Variants in DUXB observed in about 807,000 individuals in gnomAD.
The protein encoded by DUXB is double homeobox B.
DUXB carries 22 observed loss-of-function variants against 8.9 expected under a neutral mutation model. That is an observed-to-expected ratio of 2.46 (90% confidence interval 1.76 to 3.52). DUXB has a LOEUF of 3.52. Ranked by LOEUF, DUXB falls within the 30% of genes most tolerant of loss-of-function variation. The pLI, the probability that DUXB is intolerant of heterozygous loss-of-function variation, is 0.00. For missense variants in DUXB, 237 were observed against 108.7 expected, an observed-to-expected ratio of 2.18 and a Z score of -5.25; for synonymous variants, 84 against 37.6, an observed-to-expected ratio of 2.23 and a Z score of -4.52.
Position 75,694,612 on chromosome 16 carries a change from T to C in DUXB, c.442-87A>G, listed in dbSNP as rs1182130971. On this transcript the variant is annotated intron_variant, in intron 4 of 4. Transcript: ENST00000633875. ...ATACTCTATAAAACAAAGGAGCTATTAACCTAAGGACAAATCACAGGGTGA... is the reference window on the plus strand; with the variant it reads ...ATACTCTATAAAACAAAGGAGCTATCAACCTAAGGACAAATCACAGGGTGA... 3 of 687,858 alleles carry C rather than the reference T, an allele frequency of 4.4e-6. No homozygotes were observed. In the East Asian group the frequency reaches 8.1e-5, roughly 19 times the overall value. The allele number at this position is 687,858 out of a possible 1,614,324, so 42.6% of individuals were successfully genotyped here.
At chr16:75,696,339 G>C (rs554083134) in intron 3 of DUXB, among the ~76,000 whole-genome samples, 21 of 152,308 alleles carry the variant, frequency 1.4e-4, no homozygotes, top group African/African-American at 4.8e-4. Flanking sequence ...ATCACTTGAG[G>C]TTGGGAGTTC....
Position 75,694,132 on chromosome 16 carries a change from A to T in DUXB, c.835T>A (p.Tyr279Asn). ...TTGTGATTTTGGTGTTCTTCTTGGT[A>T]TTGGAGCCAGAAGGGAGTCGGAGTA... ...LDTPTPFWLQ[Y>N]QEEHQNHKEH... The change falls in exon 5 of 5, where the codon TAC (tyrosine) becomes AAC (asparagine). Residue 279 changes from tyrosine (Y) to asparagine (N), a missense_variant. Physicochemically the swap from Tyr to Asn is moderately radical, Grantham distance 143. Coordinates refer to ENST00000633875, the MANE Select transcript of DUXB (RefSeq NM_001351307.2). 2 of 429,950 alleles carry T rather than the reference A, an allele frequency of 4.7e-6. No individual in the cohort carries two copies. Among genetic ancestry groups the T allele is most frequent in the Non-Finnish European group, 8.1e-6 (2 of 246,556 alleles). 26.6% of individuals were successfully genotyped at this position (429,950 alleles called of 1,614,324 possible).
intron 3 of DUXB, among the ~76,000 whole-genome samples, 195 bp from the exon 4 acceptor site, chr16:75,696,310 G>A (rs1224019699): frequency 2.6e-5 from 4 of 152,344 alleles, no homozygotes; most frequent in African/African-American, 7.2e-5. Flanking sequence ...CCAGCACTTC[G>A]GGAGGCCAAG....
intron 2 of DUXB, among the ~76,000 whole-genome samples, chr16:75,698,083 A>T (rs17764918): frequency 0.11 from 16,554 of 152,236 alleles, 2,302 homozygotes; most frequent in East Asian, 0.64. Flanking sequence ...AATGAATCAG[A>T]ATAGTTTTAG....
intron 2 of DUXB, among the ~76,000 whole-genome samples, chr16:75,699,316 TA>T (rs1451074752): frequency 6.6e-6 from 1 of 152,226 alleles, no homozygotes; most frequent in African/African-American, 2.4e-5. Flanking sequence ...CATGCATTCT[TA>T]CCCCAGTTTC....
chr16:75,694,485 CTCT>C lies in DUXB; in HGVS notation c.479_481del (p.Lys160del), dbSNP rs1334214595. The C allele has an allele frequency of 1.4e-6, 1 of 703,088 alleles. No homozygotes were observed. The highest frequency in any genetic ancestry group is 1.7e-5 in the African/African-American group (1 of 57,358). The allele number at this position is 703,088 out of a possible 1,614,324, so 43.6% of individuals were successfully genotyped here. A position where few individuals can be genotyped will look rare whatever the true frequency, so the allele number is the denominator to read the frequency against. ...CAATAAATTCATGGGCTCCATTCTG[CTCT>C]TCTTGAGGTACAGAGATCTTTGTTT... On this transcript the variant is annotated inframe_deletion, in exon 5 of 5. Coordinates refer to ENST00000633875, the MANE Select transcript of DUXB (RefSeq NM_001351307.2).
Position 75,694,514 on chromosome 16 carries a change from C to A in DUXB, c.453G>T (p.Gln151His), listed in dbSNP as rs769327171. ...LQESRIQMWF[Q>H]KQRSLYLKKS... ...TCTTGAGGTACAGAGATCTTTGTTTCTGAAACCACATCTAAATGAGAAAAA... is the reference window on the plus strand; with the variant it reads ...TCTTGAGGTACAGAGATCTTTGTTTATGAAACCACATCTAAATGAGAAAAA... The change falls in exon 5 of 5, where the codon CAG becomes CAT. Residue 151 changes from glutamine to histidine, a missense_variant. By Grantham distance (24) the Gln-to-His change is conservative (BLOSUM62 0). Coordinates refer to ENST00000633875, the MANE Select transcript of DUXB (RefSeq NM_001351307.2). The A allele has an allele frequency of 5.4e-5, 38 of 702,836 alleles. No homozygotes were observed. The Middle Eastern group carries it at 9.1e-4, about 17-fold the overall frequency. The allele number at this position is 702,836 out of a possible 1,614,324, so 43.5% of individuals were successfully genotyped here.
intron 4 of DUXB, among the ~76,000 whole-genome samples, chr16:75,695,443 A>G (rs1227187531): frequency 1.3e-5 from 2 of 152,234 alleles, no homozygotes; most frequent in Non-Finnish European, 2.9e-5. Flanking sequence ...CTCCTCAGTC[A>G]TGAGCACTTA....
rs116243443 is a variant in DUXB, at chr16:75,696,636, C to T, written c.286+202G>A. ...ACTGTCTCATTCAATTGTGGGAGGC[C>T]GCTCTGCCTATGGAGTAGCCATTCT... is the stretch of plus-strand genomic sequence containing the variant. On this transcript the variant is annotated intron_variant, in intron 3 of 4. Coordinates refer to ENST00000633875, the MANE Select transcript of DUXB (RefSeq NM_001351307.2). Among the ~76,000 whole-genome samples the T allele has an allele frequency of 3.7e-3, 570 of 152,278 alleles. 2 individuals are homozygous for T. Among genetic ancestry groups the T allele is most frequent in the African/African-American group, 0.013 (527 of 41,552 alleles).
Position 75,695,951 on chromosome 16 carries a change from T to C in DUXB, c.441+10A>G, listed in dbSNP as rs1274590938. The C allele has an allele frequency of 1.4e-6, 1 of 702,972 alleles. No homozygotes were observed. Among genetic ancestry groups the C allele is most frequent in the Non-Finnish European group, 2.6e-6 (1 of 384,970 alleles). 43.5% of individuals were successfully genotyped at this position (702,972 alleles called of 1,614,324 possible). A position where few individuals can be genotyped will look rare whatever the true frequency, so the allele number is the denominator to read the frequency against. On this transcript the variant is annotated intron_variant, in intron 4 of 4. Transcript: ENST00000633875. Reference sequence around the variant, plus strand: ...CAGGACATAGTTGGGATCACACACATAGAACTTACTTGAATTCTTGATTCC... The same window carrying C: ...CAGGACATAGTTGGGATCACACACACAGAACTTACTTGAATTCTTGATTCC...
intron 2 of DUXB, among the ~76,000 whole-genome samples, chr16:75,699,591 G>A (rs537096436): frequency 2.0e-4 from 30 of 146,732 alleles, no homozygotes; most frequent in Non-Finnish European, 3.0e-4. Context: ...ACGGAGTCTC[G>A]CTTTGTCTTC....
At chr16:75,695,035 T>C (rs2151831925) in intron 4 of DUXB, among the ~76,000 whole-genome samples, 1 of 152,334 alleles carries the variant, frequency 6.6e-6, no homozygotes, top group South Asian at 2.1e-4. Context: ...GTTTTTCTTT[T>C]TTATGTGAGT....
Position 75,697,033 on chromosome 16 carries a change from C to T in DUXB, c.181-90G>A, listed in dbSNP as rs944202432. 1.7e-5 allele frequency: 11 copies of T among 640,488 alleles called. No individual in the cohort carries two copies. In the Admixed American group the frequency reaches 2.2e-4, roughly 13 times the overall value. The allele number at this position is 640,488 out of a possible 1,614,324, so 39.7% of individuals were successfully genotyped here. On this transcript the variant is annotated intron_variant, in intron 2 of 4. Transcript: ENST00000633875. ...ATTCAATTGAACAAAACTGATTTGA[C>T]TGCCTGTGGCTGGAATAATGCCCAC...
At chr16:75,697,057 A>G (rs2082613865) in intron 2 of DUXB, 114 bp from the exon 3 acceptor site, 1 of 624,588 alleles carries the variant, frequency 1.6e-6, no homozygotes, top group Admixed American at 2.6e-5. Flanking sequence ...AATAATGCCC[A>G]CAAGAGAAAG....
At position 75,694,084 on chromosome 16, in the gene DUXB, G is replaced by C. The variant is rs550892244; in HGVS notation, c.883C>G (p.Pro295Ala). 1.8e-4 allele frequency: 74 copies of C among 417,036 alleles called. No individual in the cohort carries two copies. Among genetic ancestry groups the C allele is most frequent in the African/African-American group, 1.4e-3 (70 of 49,024 alleles). 25.8% of individuals were successfully genotyped at this position (417,036 alleles called of 1,614,324 possible). ...NHKEHSGSGV[P>A]QVKSHSQPEP... ...GGCTGAGAATGGCTCTTGACCTGTG[G>C]TACTCCCGAGCCAGAGTGTTCTTTG... is the stretch of plus-strand genomic sequence containing the variant. The change falls in exon 5 of 5, where the codon CCA becomes GCA. Residue 295 changes from proline (P) to alanine (A), a missense_variant. Pro to Ala is a conservative substitution (Grantham distance 27). Coordinates refer to ENST00000633875, the MANE Select transcript of DUXB (RefSeq NM_001351307.2).
intron 2 of DUXB, 75 bp downstream of exon 2, chr16:75,699,940 T>C: frequency 1.7e-6 from 1 of 580,882 alleles, no homozygotes; most frequent in South Asian, 2.2e-5. Context: ...ATAAGAGAAT[T>C]GGCAAAAGCG....
intron 2 of DUXB, 23 bp downstream of exon 2, chr16:75,699,992 T>C (rs1959201524): frequency 2.9e-6 from 2 of 684,768 alleles, no homozygotes; most frequent in Non-Finnish European, 5.3e-6. Flanking sequence ...TGACAGGTAA[T>C]GAAGTAGAAA....
intron 2 of DUXB, among the ~76,000 whole-genome samples, chr16:75,697,238 G>C (rs1203020170): frequency 1.3e-5 from 2 of 151,872 alleles, no homozygotes; most frequent in African/African-American, 4.8e-5. Context: ...ATCGCTCTCT[G>C]TCTCTCTCTT....
At chr16:75,697,740 T>C (rs79976860) in intron 2 of DUXB, among the ~76,000 whole-genome samples, 16,598 of 152,196 alleles carry the variant, frequency 0.11, 2,299 homozygotes, top group East Asian at 0.64. Context: ...CCATGGCCTG[T>C]TAGGAACTGG....
Sources: gnomAD v4.1 joint callset for allele counts (sites outside exome capture counted in the v4.1 genomes callset) on GRCh38, gnomAD v4.1.1 for gene constraint, MANE v1.5 for transcripts, NCBI Gene and HGNC (gene_info 2026-07-23, HGNC 2026-07-21) for gene names.